IL16: variants seen among roughly 807,000 people sequenced by gnomAD.
The protein encoded by IL16 is interleukin 16.
Under a neutral mutation model 110.1 loss-of-function variants are expected in IL16, and 67 were observed. The ratio of observed to expected loss-of-function variants is 0.61; its 90% CI spans 0.50 to 0.75. The LOEUF is 0.75. IL16 is among the 30% of genes least tolerant of loss of function. The probability of loss-of-function intolerance (pLI) is 0.00; values close to 1 mark genes in which losing one functional copy is unlikely to be tolerated. For synonymous variants in IL16, 689 were observed against 662.9 expected, an observed-to-expected ratio of 1.04 and a Z score of -0.61; for missense variants, 1,545 against 1,655.0, an observed-to-expected ratio of 0.93 and a Z score of 1.15.
intron 3 of IL16, among the ~76,000 whole-genome samples, chr15:81,262,604 G>C (rs943426307): frequency 6.6e-6 from 1 of 152,110 alleles, no homozygotes; most frequent in Non-Finnish European, 1.5e-5. Context: ...ATGCAGTTAG[G>C]TCCCTGAAAG....
At chr15:81,239,056 T>A (rs1325868895) in intron 2 of IL16, among the ~76,000 whole-genome samples, 1 of 152,116 alleles carries the variant, frequency 6.6e-6, no homozygotes, top group Non-Finnish European at 1.5e-5. Flanking sequence ...TTAAACAAAT[T>A]TTCTTCATCT....
chr15:81,208,801 G>A (rs1474375015), intron 1 of IL16, among the ~76,000 whole-genome samples: 3 of 152,118 alleles, frequency 2.0e-5, no homozygotes, highest in African/African-American at 4.8e-5. Flanking sequence ...TAGGTGTGTG[G>A]GCTCATTAAT....
At chr15:81,306,664 A>G (rs780378270) in intron 18 of IL16, 119 bp downstream of exon 18, 58 of 1,242,292 alleles carry the variant, frequency 4.7e-5, no homozygotes, top group Non-Finnish European at 6.4e-5. Flanking sequence ...TGTCCTCTTC[A>G]TAGGCATGCT....
At chr15:81,285,899 T>C (rs968849976) in intron 10 of IL16, 69 bp downstream of exon 10, 8 of 1,528,014 alleles carry the variant, frequency 5.2e-6, no homozygotes, top group Admixed American at 1.8e-5. Context: ...GAACAAGAAA[T>C]AGATGAAAAC....
chr15:81,235,493 C>T (rs1897149864), intron 2 of IL16, among the ~76,000 whole-genome samples: 1 of 152,094 alleles, frequency 6.6e-6, no homozygotes, highest in Non-Finnish European at 1.5e-5. Context: ...AGGAATCTGC[C>T]CCCAGTGACC....
At chr15:81,271,214 G>A (rs1898619405) in intron 5 of IL16, among the ~76,000 whole-genome samples, 2 of 150,810 alleles carry the variant, frequency 1.3e-5, no homozygotes, top group Admixed American at 6.6e-5. Context: ...TCCTGGAGTT[G>A]GAGACCAGCC....
chr15:81,278,858 C>A lies in IL16; in HGVS notation c.832C>A (p.Leu278Ile), dbSNP rs923773180. The change falls in exon 7 of 19, where the codon CTA becomes ATA. Residue 278 changes from leucine to isoleucine, a missense_variant. Around this residue, in one of 3 missense-constraint regions of IL16, gnomAD observed 1,185 missense variants for 1,238.8 expected, o/e 0.96. Coordinates refer to ENST00000683961, the MANE Select transcript of IL16 (RefSeq NM_172217.5). The stretch of plus-strand genomic sequence containing the variant: ...GCTCAATGGTGAATCAATGGCTGGA[C>A]TAACACATCAGGATGCTTTGCAGAA... ...LELNGESMAG[L>I]THQDALQKFK... 3 of 1,613,202 alleles carry A rather than the reference C, an allele frequency of 1.9e-6. No individual in the cohort carries two copies. The African/African-American group carries it at 4.0e-5, about 22-fold the overall frequency.
intron 1 of IL16, among the ~76,000 whole-genome samples, chr15:81,184,371 G>A (rs541402626): frequency 2.2e-4 from 34 of 152,320 alleles, no homozygotes; most frequent in African/African-American, 7.9e-4. Flanking sequence ...GTGGGGTGAG[G>A]GAGACAGAAC....
chr15:81,221,733 T>C (rs551750068), intron 1 of IL16, among the ~76,000 whole-genome samples: 12 of 152,188 alleles, frequency 7.9e-5, no homozygotes, highest in African/African-American at 2.7e-4. Context: ...CTGCCTTCAC[T>C]CTTAACCAAA....
chr15:81,253,094 A>G (rs1037151177), intron 2 of IL16, among the ~76,000 whole-genome samples: 9 of 152,166 alleles, frequency 5.9e-5, no homozygotes, highest in African/African-American at 1.9e-4. Context: ...TCCATCATCA[A>G]TGTAAGAGCA....
In IL16 at chr15:81,273,339, G is replaced by T. The variant is rs1184560788; in HGVS notation, c.790+135G>T. ...GGATACGGCCAGCATGCATCCTGGG[G>T]TCTGCAAGCAATGGGGACACAGCTC... On this transcript the variant is annotated intron_variant, in intron 6 of 18. Coordinates refer to ENST00000683961, the MANE Select transcript of IL16 (RefSeq NM_172217.5). 6.8e-6 allele frequency: 4 copies of T among 587,550 alleles called. No homozygotes were observed. The Admixed American group carries it at 9.3e-5, about 14-fold the overall frequency. 36.4% of individuals were successfully genotyped at this position (587,550 alleles called of 1,614,324 possible).
intron 1 of IL16, among the ~76,000 whole-genome samples, chr15:81,201,886 A>G (rs981636639): frequency 6.6e-6 from 1 of 152,144 alleles, no homozygotes; most frequent in African/African-American, 2.4e-5. Flanking sequence ...AAAAGACTTA[A>G]CCTCATTCTT....
chr15:81,199,040 T>A (rs1053128191), intron 1 of IL16, among the ~76,000 whole-genome samples: 2,472 of 80,442 alleles, frequency 0.031, 112 homozygotes, highest in African/African-American at 0.11. Flanking sequence ...AATATATATA[T>A]ATATATATAT....
intron 15 of IL16, among the ~76,000 whole-genome samples, chr15:81,302,444 C>T (rs1390553364): frequency 6.6e-6 from 1 of 152,162 alleles, no homozygotes; most frequent in East Asian, 1.9e-4. Flanking sequence ...TGAGAAGAGC[C>T]TTCTACAAGG....
intron 1 of IL16, among the ~76,000 whole-genome samples, chr15:81,211,131 C>T (rs947948364): frequency 2.0e-5 from 3 of 152,170 alleles, no homozygotes; most frequent in South Asian, 2.1e-4. Flanking sequence ...GCAATCATCG[C>T]GCACTGCAGC....
At chr15:81,207,639 A>G (rs6495549) in intron 1 of IL16, among the ~76,000 whole-genome samples, 45,911 of 151,852 alleles carry the variant, frequency 0.3, 10,222 homozygotes, top group East Asian at 0.64. Context: ...TTGTTTCTAC[A>G]TTAATTTGCT....
chr15:81,225,979 T>A (rs1896777032), intron 2 of IL16, among the ~76,000 whole-genome samples: 1 of 152,230 alleles, frequency 6.6e-6, no homozygotes, highest in South Asian at 2.1e-4. Context: ...TGATGGAAAA[T>A]GCCAGATGCA....
upstream of IL16, among the ~76,000 whole-genome samples, chr15:81,194,790 C>G (rs1309258465): frequency 6.6e-6 from 1 of 152,096 alleles, no homozygotes; most frequent in Non-Finnish European, 1.5e-5. Context: ...TAACACTGTG[C>G]AGTAGAAGTT....
At chr15:81,210,938 G>T (rs1258019567) in intron 1 of IL16, among the ~76,000 whole-genome samples, 1 of 152,174 alleles carries the variant, frequency 6.6e-6, no homozygotes, top group Non-Finnish European at 1.5e-5. Flanking sequence ...AAGGGGAATG[G>T]TTCCAGCTTT....
Sources: allele counts gnomAD v4.1 joint callset (sites outside exome capture counted in the v4.1 genomes callset), GRCh38; gene constraint gnomAD v4.1.1; regional missense constraint gnomAD v4.1.1; transcripts MANE v1.5; gene names NCBI Gene and HGNC (gene_info 2026-07-23, HGNC 2026-07-21).